Variants in GIPC2 observed in about 807,000 individuals in gnomAD.
GIPC2 encodes the protein PDZ domain-containing protein GIPC2.
GIPC2 carries 30 observed loss-of-function variants against 30.6 expected under a neutral mutation model. The ratio of observed to expected loss-of-function variants is 0.98; its 90% confidence interval spans 0.73 to 1.33. The LOEUF is 1.33. GIPC2 is among the 40% of genes most tolerant of loss of function. GIPC2 has a pLI of 0.00. For synonymous variants in GIPC2, 167 were observed against 150.0 expected, an observed-to-expected ratio of 1.11 and a Z score of -0.83; for missense variants, 414 against 390.3, an observed-to-expected ratio of 1.06 and a Z score of -0.51.
chr1:78,099,813 G>A (rs1169855313), intron 3 of GIPC2, among the ~76,000 whole-genome samples: 2 of 151,202 alleles, frequency 1.3e-5, no homozygotes, highest in Non-Finnish European at 2.9e-5. Context: ...GGATGAATTG[G>A]GGAAGGTTGT....
rs1259624747 is a variant in GIPC2 at position 78,136,598 on chromosome 1, T to C, written c.*855T>C. On this transcript the variant is annotated 3_prime_UTR_variant, in exon 6 of 6. Coordinates refer to ENST00000370759, the MANE Select transcript of GIPC2 (RefSeq NM_017655.6). ...GAAAGATATTTACTCAAAATAACTA[T>C]GCTTTAGAACTTTTTTTTTTTTTTT... is the stretch of plus-strand genomic sequence containing the variant. 1 of 142,416 alleles carries C rather than the reference T, an allele frequency of 7.0e-6. No homozygotes were observed. The highest frequency in any genetic ancestry group is 1.5e-5 in the Non-Finnish European group (1 of 66,530). 8.8% of individuals were successfully genotyped at this position (142,416 alleles called of 1,614,324 possible).
At chr1:78,062,599 C>T (rs1007442120) in intron 1 of GIPC2, among the ~76,000 whole-genome samples, 5 of 151,710 alleles carry the variant, frequency 3.3e-5, no homozygotes, top group African/African-American at 9.7e-5. Context: ...CCTCCACCTC[C>T]CAGGCTTAAG....
intron 1 of GIPC2, among the ~76,000 whole-genome samples, chr1:78,072,461 C>A (rs1661639119): frequency 6.7e-6 from 1 of 148,702 alleles, no homozygotes; most frequent in South Asian, 2.1e-4. Flanking sequence ...AGACACTCAG[C>A]TTTTTGGAAG....
At chr1:78,116,129 G>A (rs968384733) in intron 3 of GIPC2, among the ~76,000 whole-genome samples, 1 of 152,154 alleles carries the variant, frequency 6.6e-6, no homozygotes, top group African/African-American at 2.4e-5. Flanking sequence ...GTCTTATATG[G>A]CAACAGACGA....
intron 3 of GIPC2, among the ~76,000 whole-genome samples, chr1:78,103,562 A>G (rs1662289974): frequency 6.6e-6 from 1 of 152,172 alleles, no homozygotes; most frequent in Non-Finnish European, 1.5e-5. Context: ...AGGCTTGGGC[A>G]GTTAATTCAT....
chr1:78,112,472 G>A (rs776693610), intron 3 of GIPC2: 1 of 518,984 alleles, frequency 1.9e-6, no homozygotes, highest in Non-Finnish European at 3.8e-6. Flanking sequence ...GTGTCCATCT[G>A]TGCCCACTTC....
At position 78,129,460 on chromosome 1, in the gene GIPC2, A is replaced by G. The variant is rs191436121; in HGVS notation, c.796+3498A>G. On this transcript the variant is annotated intron_variant, in intron 5 of 5. Coordinates refer to ENST00000370759, the MANE Select transcript of GIPC2 (RefSeq NM_017655.6). ...TTTCTGTATTTGTTAACGTAAGTAT[A>G]TATCTTAAAAATTTAAAAAGTAATA... Among the ~76,000 whole-genome samples, 460 of 152,368 alleles carry G rather than the reference A, an allele frequency of 3.0e-3. 1 individual carries two copies. Among genetic ancestry groups the G allele is most frequent in the African/African-American group, 0.011 (446 of 41,588 alleles).
intron 2 of GIPC2, among the ~76,000 whole-genome samples, chr1:78,090,024 T>C (rs1044669080): frequency 2.6e-5 from 4 of 152,200 alleles, no homozygotes; most frequent in Non-Finnish European, 5.9e-5. Flanking sequence ...TTTGATTTTT[T>C]TCCGAACCAT....
At chr1:78,092,572 T>G (rs529208837) in intron 2 of GIPC2, among the ~76,000 whole-genome samples, 1 of 152,234 alleles carries the variant, frequency 6.6e-6, no homozygotes, top group Non-Finnish European at 1.5e-5. Context: ...TATTTTATGA[T>G]TATCAAAGCA....
At chr1:78,051,493 G>C (rs1465850726) in intron 1 of GIPC2, among the ~76,000 whole-genome samples, 1 of 152,108 alleles carries the variant, frequency 6.6e-6, no homozygotes, top group African/African-American at 2.4e-5. Context: ...AGCAGAAAAG[G>C]CAAGAAGTGT....
At chr1:78,100,787 G>A (rs1662230599) in intron 3 of GIPC2, among the ~76,000 whole-genome samples, 1 of 151,764 alleles carries the variant, frequency 6.6e-6, no homozygotes, top group South Asian at 2.1e-4. Flanking sequence ...AGAATTAGCT[G>A]GAAATGGTGG....
chr1:78,107,251 TCCTCC>T (rs1178994118), intron 3 of GIPC2, among the ~76,000 whole-genome samples: 1 of 151,876 alleles, frequency 6.6e-6, no homozygotes, highest in Non-Finnish European at 1.5e-5. Context: ...GCTCAAAAGA[TCCTCC>T]CACTTCAGCC....
upstream of GIPC2, chr1:78,045,096 T>C: frequency 1.0e-6 from 1 of 982,144 alleles, no homozygotes; most frequent in Non-Finnish European, 1.2e-6. Context: ...GCAGACCAAG[T>C]AAGATAAAAA....
intron 2 of GIPC2, among the ~76,000 whole-genome samples, chr1:78,083,024 CTACAG>C (rs1469812867): frequency 6.6e-6 from 1 of 152,024 alleles, no homozygotes; most frequent in African/African-American, 2.4e-5. Context: ...TTACATATAA[CTACAG>C]TACAATTATG....
chr1:78,051,422 A>G (rs1299463846), intron 1 of GIPC2, among the ~76,000 whole-genome samples: 1 of 152,230 alleles, frequency 6.6e-6, no homozygotes, highest in Admixed American at 6.5e-5. Flanking sequence ...ATAAATGAGT[A>G]ATTCAGTGAC....
intron 2 of GIPC2, among the ~76,000 whole-genome samples, chr1:78,085,011 G>T (rs986698892): frequency 6.6e-6 from 1 of 152,164 alleles, no homozygotes; most frequent in South Asian, 2.1e-4. Context: ...TATTTGTCTT[G>T]TGCTGGTTTT....
At chr1:78,056,661 T>C (rs1348843207) in intron 1 of GIPC2, among the ~76,000 whole-genome samples, 2 of 152,206 alleles carry the variant, frequency 1.3e-5, no homozygotes, top group Admixed American at 6.5e-5. Flanking sequence ...AACAAATGTG[T>C]AAATTAATGG....
intron 4 of GIPC2, among the ~76,000 whole-genome samples, chr1:78,124,694 C>A (rs1424957512): frequency 6.6e-6 from 1 of 152,176 alleles, no homozygotes; most frequent in Non-Finnish European, 1.5e-5. Flanking sequence ...TCCTGCTTAT[C>A]TCCTCTTCAT....
chr1:78,091,992 A>C (rs1662050354), intron 2 of GIPC2: 1 of 1,411,872 alleles, frequency 7.1e-7, no homozygotes. Context: ...CCCACAGTGA[A>C]CTACATTTTG....
Sources: allele counts gnomAD v4.1 joint callset (sites outside exome capture counted in the v4.1 genomes callset), GRCh38; gene constraint gnomAD v4.1.1; transcripts MANE v1.5; gene names NCBI Gene and HGNC (gene_info 2026-07-23, HGNC 2026-07-21).